Variants in THSD4 observed in about 807,000 individuals in gnomAD.
THSD4 encodes thrombospondin type-1 domain-containing protein 4.
THSD4 carries 69 observed loss-of-function variants against 119.0 expected under a neutral mutation model. The ratio of observed to expected loss-of-function variants is 0.58; its 90% CI spans 0.48 to 0.71. The LOEUF (loss-of-function observed/expected upper bound fraction) is 0.71, where lower values mean the gene tolerates loss of function less well. Among genes scored for constraint, THSD4 ranks in the 30% least tolerant of loss-of-function variants. The pLI is 0.00. For synonymous variants in THSD4, 524 were observed against 540.4 expected (o/e 0.97, Z 0.42); for missense variants, 1,393 against 1,391.1 (o/e 1.00, Z -0.02).
At chr15:71,362,032 C>G (rs1354974872) in intron 6 of THSD4, among the ~76,000 whole-genome samples, 1 of 152,198 alleles carries the variant, frequency 6.6e-6, no homozygotes, top group Non-Finnish European at 1.5e-5. Context: ...AATCCCAGCA[C>G]TTGGGAGGCC....
intron 6 of THSD4, among the ~76,000 whole-genome samples, chr15:71,355,179 A>C (rs2045792725): frequency 6.6e-6 from 1 of 152,234 alleles, no homozygotes; most frequent in South Asian, 2.1e-4. Flanking sequence ...ACTGCAGATC[A>C]AATCATGTTT....
intron 6 of THSD4, among the ~76,000 whole-genome samples, chr15:71,277,403 G>A (rs548212979): frequency 6.6e-6 from 1 of 152,236 alleles, no homozygotes; most frequent in South Asian, 2.1e-4. Context: ...TGGGATTACA[G>A]GTGTGAGCCG....
intron 6 of THSD4, among the ~76,000 whole-genome samples, chr15:71,384,365 A>G (rs2046269062): frequency 6.6e-6 from 1 of 152,058 alleles, no homozygotes; most frequent in African/African-American, 2.4e-5. Flanking sequence ...GCAACGGTAC[A>G]GAGCAAGACT....
At chr15:71,757,351 A>T (rs1308267958) in intron 14 of THSD4, among the ~76,000 whole-genome samples, 1 of 152,084 alleles carries the variant, frequency 6.6e-6, no homozygotes, top group Non-Finnish European at 1.5e-5. Flanking sequence ...TTTCCAACCC[A>T]GACTTGGCTA....
intron 7 of THSD4, among the ~76,000 whole-genome samples, chr15:71,427,910 G>A (rs2046895168): frequency 6.6e-6 from 1 of 152,100 alleles, no homozygotes; most frequent in South Asian, 2.1e-4. Context: ...AAATTGGGGT[G>A]GGATGTCCAG....
intron 7 of THSD4, among the ~76,000 whole-genome samples, chr15:71,450,693 G>A (rs1425724956): frequency 6.6e-6 from 1 of 152,206 alleles, no homozygotes; most frequent in African/African-American, 2.4e-5. Flanking sequence ...GTAGGGGAGG[G>A]AAATGTGGCT....
intron 8 of THSD4, among the ~76,000 whole-genome samples, chr15:71,707,187 A>G (rs2052408506): frequency 1.3e-5 from 2 of 152,160 alleles, no homozygotes; most frequent in African/African-American, 4.8e-5. Flanking sequence ...CAACCTTGGG[A>G]GAAACCCAAA....
intron 7 of THSD4, among the ~76,000 whole-genome samples, chr15:71,419,508 T>G (rs2046788487): frequency 9.2e-6 from 1 of 108,616 alleles, no homozygotes; most frequent in Admixed American, 1.2e-4. Flanking sequence ...CTATTATTTA[T>G]CTTTTACTAA....
At chr15:71,767,311 T>C (rs918154302) in intron 16 of THSD4, 2 of 152,188 alleles carry the variant, frequency 1.3e-5, no homozygotes, top group Non-Finnish European at 2.9e-5. Flanking sequence ...GAAAATACAA[T>C]GAAACAAATT....
In THSD4 at chr15:71,621,790, A is replaced by G. The variant is rs534853955; in HGVS notation, c.1153-38740A>G. On this transcript the variant is annotated intron_variant, in intron 7 of 17. Coordinates refer to ENST00000261862, the MANE Select transcript of THSD4 (RefSeq NM_024817.3). The stretch of plus-strand genomic sequence containing the variant: ...AAATATTCACTTGTGCTCTAGATAA[A>G]TGGAACTTCCATGTTAAGTCTCAGT... Among the ~76,000 whole-genome samples, 5 of 152,364 alleles carry G rather than the reference A, an allele frequency of 3.3e-5. No homozygotes were observed. In the East Asian group the frequency reaches 9.6e-4, roughly 29 times the overall value.
At chr15:71,097,001 A>C (rs2040233463) in exon 1 of THSD4, 1 of 152,232 alleles carries the variant, frequency 6.6e-6, no homozygotes, top group Non-Finnish European at 1.5e-5. Flanking sequence ...AGGAAACTGG[A>C]TTCAGGCAAG....
chr15:71,201,965 G>C (rs887511432), intron 3 of THSD4, among the ~76,000 whole-genome samples: 1 of 152,194 alleles, frequency 6.6e-6, no homozygotes, highest in Admixed American at 6.5e-5. Flanking sequence ...GGGCCAGAAG[G>C]TTCAGATCAA....
intron 16 of THSD4, among the ~76,000 whole-genome samples, chr15:71,770,274 C>A (rs2140243077): frequency 1.7e-5 from 2 of 117,358 alleles, no homozygotes; most frequent in East Asian, 2.4e-4. Context: ...AAAGGACTTT[C>A]TCAAAGAAAA....
chr15:71,366,073 T>C (rs1252676317), intron 6 of THSD4, among the ~76,000 whole-genome samples: 1 of 152,038 alleles, frequency 6.6e-6, no homozygotes, highest in East Asian at 1.9e-4. Flanking sequence ...TTTTGTTTTG[T>C]TTTGTTTTTG....
intron 10 of THSD4, among the ~76,000 whole-genome samples, chr15:71,736,163 GTCTCTGTCTC>G (rs1456156123): frequency 2.2e-5 from 1 of 45,520 alleles, no homozygotes; most frequent in African/African-American, 6.4e-5. Flanking sequence ...CTTGCTCTCT[GTCTCTGTCTC>G]TCTCACACTC....
At chr15:71,653,251 G>C (rs2051127181) in intron 7 of THSD4, among the ~76,000 whole-genome samples, 1 of 152,210 alleles carries the variant, frequency 6.6e-6, no homozygotes, top group Non-Finnish European at 1.5e-5. Flanking sequence ...ACTATTTTTG[G>C]AAACTGGATA....
intron 8 of THSD4, among the ~76,000 whole-genome samples, chr15:71,680,126 A>T (rs1275418405): frequency 6.6e-6 from 1 of 152,190 alleles, no homozygotes; most frequent in African/African-American, 2.4e-5. Context: ...TTGGAAATTT[A>T]GGTAATCAGT....
intron 6 of THSD4, among the ~76,000 whole-genome samples, chr15:71,368,186 C>T (rs532438709): frequency 6.6e-6 from 1 of 151,988 alleles, no homozygotes; most frequent in Non-Finnish European, 1.5e-5. Flanking sequence ...GGATATTAGC[C>T]CTTTGTCAGA....
At chr15:71,239,398 G>T (rs1028066648) in intron 4 of THSD4, among the ~76,000 whole-genome samples, 1 of 152,038 alleles carries the variant, frequency 6.6e-6, no homozygotes, top group Non-Finnish European at 1.5e-5. Flanking sequence ...AGAAACTGAG[G>T]CATACAAAGA....
Sources: allele counts gnomAD v4.1 joint callset (sites outside exome capture counted in the v4.1 genomes callset), GRCh38; gene constraint gnomAD v4.1.1; transcripts MANE v1.5; gene names NCBI Gene and HGNC (gene_info 2026-07-23, HGNC 2026-07-21).